CCDC192: variants seen among roughly 807,000 people sequenced by gnomAD.
The protein encoded by CCDC192 is coiled-coil domain-containing protein 192.
chr5:127,906,096 C>T (rs1274131123), intron 6 of CCDC192, among the ~76,000 whole-genome samples: 1 of 152,170 alleles, frequency 6.6e-6, no homozygotes, highest in African/African-American at 2.4e-5. Flanking sequence ...AGTACATTCA[C>T]GTTGCTGTGC....
At chr5:127,708,293 T>C (rs1388354979) in intron 2 of CCDC192, among the ~76,000 whole-genome samples, 1 of 152,170 alleles carries the variant, frequency 6.6e-6, no homozygotes, top group Non-Finnish European at 1.5e-5. Context: ...GCTGGGTCCT[T>C]TCTACCTGAG....
intron 6 of CCDC192, among the ~76,000 whole-genome samples, chr5:127,887,703 A>G (rs1200703217): frequency 6.6e-6 from 1 of 151,140 alleles, no homozygotes; most frequent in Non-Finnish European, 1.5e-5. Flanking sequence ...ATTTTTATTA[A>G]CTATTTTTTT....
intron 6 of CCDC192, among the ~76,000 whole-genome samples, chr5:127,936,780 T>A (rs1288759107): frequency 6.6e-6 from 1 of 152,208 alleles, no homozygotes; most frequent in Admixed American, 6.5e-5. Context: ...TCTGGTCAGA[T>A]AACAGCACCT....
chr5:127,742,538 CA>C (rs1170893004), intron 2 of CCDC192, among the ~76,000 whole-genome samples: 1 of 152,114 alleles, frequency 6.6e-6, no homozygotes, highest in Non-Finnish European at 1.5e-5. Context: ...CTGGAAAGGT[CA>C]CCTGATAAAA....
chr5:127,729,840 G>A (rs1237971123), intron 2 of CCDC192, among the ~76,000 whole-genome samples: 1 of 152,110 alleles, frequency 6.6e-6, no homozygotes, highest in Non-Finnish European at 1.5e-5. Flanking sequence ...AAGAAACAGT[G>A]TACCAGAATC....
intron 2 of CCDC192, among the ~76,000 whole-genome samples, chr5:127,729,099 G>A (rs910858967): frequency 1.3e-5 from 2 of 151,956 alleles, no homozygotes; most frequent in Non-Finnish European, 2.9e-5. Flanking sequence ...TAGAGACAGG[G>A]TTTCACCATG....
intron 2 of CCDC192, among the ~76,000 whole-genome samples, chr5:127,743,133 A>G (rs1214639374): frequency 6.6e-6 from 1 of 151,838 alleles, no homozygotes; most frequent in Non-Finnish European, 1.5e-5. Context: ...AGGTCAGGCT[A>G]TTTACTCCGC....
chr5:127,720,358 TC>T (rs1751948957), intron 2 of CCDC192, among the ~76,000 whole-genome samples: 1 of 152,228 alleles, frequency 6.6e-6, no homozygotes, highest in Non-Finnish European at 1.5e-5. Flanking sequence ...TTCCTTTGCC[TC>T]CATGTTTCAC....
At chr5:127,824,812 G>A (rs1388013330) in intron 5 of CCDC192, among the ~76,000 whole-genome samples, 1 of 152,134 alleles carries the variant, frequency 6.6e-6, no homozygotes, top group Non-Finnish European at 1.5e-5. Context: ...GAATATTCAG[G>A]AAGTCACAGA....
chr5:127,705,593 G>A (rs574664153), intron 1 of CCDC192, among the ~76,000 whole-genome samples: 47 of 152,250 alleles, frequency 3.1e-4, no homozygotes, highest in African/African-American at 8.4e-4. Context: ...AGAGGTGGAT[G>A]TCCAAAACCT....
intron 3 of CCDC192, among the ~76,000 whole-genome samples, chr5:127,759,649 T>C (rs980648229): frequency 5.3e-5 from 8 of 152,218 alleles, no homozygotes; most frequent in Admixed American, 5.2e-4. Flanking sequence ...AAAACATCTG[T>C]TTATTTTCAC....
chr5:127,794,494 A>G (rs1446413046), intron 3 of CCDC192, among the ~76,000 whole-genome samples: 1 of 152,252 alleles, frequency 6.6e-6, no homozygotes. Flanking sequence ...ACTGTCTGAC[A>G]TGTAGTAAGT....
chr5:127,719,514 T>TAC (rs1201386938), intron 2 of CCDC192, among the ~76,000 whole-genome samples: 1 of 118,832 alleles, frequency 8.4e-6, no homozygotes, highest in African/African-American at 3.6e-5. Context: ...TACATATATA[T>TAC]ATATATATAT....
chr5:127,755,616 C>T (rs1363086186), intron 3 of CCDC192, among the ~76,000 whole-genome samples: 4 of 143,536 alleles, frequency 2.8e-5, no homozygotes, highest in African/African-American at 1.0e-4. Context: ...AAACAAGCCT[C>T]GAACTGTGGC....
At chr5:127,744,905 G>T (rs1002164488) in intron 2 of CCDC192, among the ~76,000 whole-genome samples, 2 of 151,992 alleles carry the variant, frequency 1.3e-5, no homozygotes, top group African/African-American at 4.8e-5. Flanking sequence ...CCACATTCTT[G>T]CCCTCATCTG....
chr5:127,740,663 C>T (rs1218453389), intron 2 of CCDC192, among the ~76,000 whole-genome samples: 1 of 152,044 alleles, frequency 6.6e-6, no homozygotes, highest in African/African-American at 2.4e-5. Context: ...AAAAAAATTA[C>T]CTCCAGTCTG....
chr5:127,878,573 T>G (rs1015317083), intron 6 of CCDC192, among the ~76,000 whole-genome samples: 1 of 152,198 alleles, frequency 6.6e-6, no homozygotes, highest in African/African-American at 2.4e-5. Context: ...TGAGAATTGC[T>G]TGAACCTGGG....
At chr5:127,812,874 T>C (rs1367363694) in intron 5 of CCDC192, among the ~76,000 whole-genome samples, 1 of 152,216 alleles carries the variant, frequency 6.6e-6, no homozygotes, top group Non-Finnish European at 1.5e-5. Flanking sequence ...CTCTTTTTCC[T>C]CCACCTTTGC....
chr5:127,796,144 T>G (rs1757153544), intron 3 of CCDC192, among the ~76,000 whole-genome samples: 1 of 152,220 alleles, frequency 6.6e-6, no homozygotes, highest in Non-Finnish European at 1.5e-5. Flanking sequence ...ATATATGATA[T>G]GCCAGTATAT....
Sources: gnomAD v4.1 joint callset for allele counts (sites outside exome capture counted in the v4.1 genomes callset) on GRCh38, gnomAD v4.1.1 for gene constraint, MANE v1.5 for transcripts, NCBI Gene and HGNC (gene_info 2026-07-23, HGNC 2026-07-21) for gene names.